Variants in RAB3GAP2 observed in about 807,000 individuals in gnomAD.
The protein encoded by RAB3GAP2 is RAB3 GTPase activating non-catalytic protein subunit 2.
Under a neutral mutation model 185.3 loss-of-function variants are expected in RAB3GAP2, and 87 were observed. The observed-to-expected ratio is 0.47, with a 90% CI of 0.39 to 0.56. The LOEUF is 0.56. RAB3GAP2 is among the 20% of genes least tolerant of loss of function. RAB3GAP2 has a pLI of 0.00. For missense variants in RAB3GAP2, 1,492 were observed against 1,638.2 expected, an observed-to-expected ratio of 0.91 and a Z score of 1.54; for synonymous variants, 554 against 576.1, an observed-to-expected ratio of 0.96 and a Z score of 0.55.
chr1:220,209,630 C>T (rs969301209), intron 7 of RAB3GAP2, among the ~76,000 whole-genome samples: 1 of 151,976 alleles, frequency 6.6e-6, no homozygotes. Flanking sequence ...GTCTCTCCTA[C>T]GAGATAGTTA....
Position 220,217,403 on chromosome 1 carries a change from C to T in RAB3GAP2, c.181-3424G>A, listed in dbSNP as rs372556192. 2.1e-4 allele frequency among the ~76,000 whole-genome samples: 32 copies of T among 152,228 alleles called. No individual in the cohort carries two copies. The Middle Eastern group carries it at 0.017, about 81-fold the overall frequency. ...TATTCTTGAGGTATTTCTTCAAGAA[C>T]TCCTTTAAAAATACTTTCCCTCTCC... is the stretch of plus-strand genomic sequence containing the variant. On this transcript the variant is annotated intron_variant, in intron 2 of 34. Transcript: ENST00000358951.
chr1:220,207,014 C>T (rs1571900733), intron 7 of RAB3GAP2, among the ~76,000 whole-genome samples: 1 of 152,288 alleles, frequency 6.6e-6, no homozygotes, highest in East Asian at 1.9e-4. Flanking sequence ...AAACTGTAAG[C>T]CCCATGAAAG....
At chr1:220,245,435 C>T (rs1659787442) in intron 1 of RAB3GAP2, among the ~76,000 whole-genome samples, 1 of 152,204 alleles carries the variant, frequency 6.6e-6, no homozygotes, top group African/African-American at 2.4e-5. Context: ...GGGTCACTCC[C>T]ACCCGAATAT....
At chr1:220,221,267 T>C (rs913536379) in intron 2 of RAB3GAP2, among the ~76,000 whole-genome samples, 66 of 152,216 alleles carry the variant, frequency 4.3e-4, no homozygotes, top group African/African-American at 1.5e-3. Context: ...TATTTCCATA[T>C]TGAAGTGAGG....
At chr1:220,175,418 T>C (rs759601773) in intron 21 of RAB3GAP2, among the ~76,000 whole-genome samples, 2 of 151,932 alleles carry the variant, frequency 1.3e-5, no homozygotes, top group African/African-American at 2.4e-5. Context: ...CGGGTTTCAC[T>C]ATGTTGGCCA....
chr1:220,196,201 T>C lies in RAB3GAP2; in HGVS notation c.960+49A>G, dbSNP rs201332259. The C allele has an allele frequency of 8.3e-4, 1,309 of 1,583,382 alleles. 3 individuals carry two copies. Among genetic ancestry groups the C allele is most frequent in the Admixed American group, 6.2e-3 (374 of 59,960 alleles). On this transcript the variant is annotated intron_variant, in intron 10 of 34. Coordinates refer to ENST00000358951, the MANE Select transcript of RAB3GAP2 (RefSeq NM_012414.4). ...TTACCATATCCAATTTGTAGACAAATTGTAAAATCAAGAGCAGCCTTACTC... is the reference window on the plus strand; with the variant it reads ...TTACCATATCCAATTTGTAGACAAACTGTAAAATCAAGAGCAGCCTTACTC...
At position 220,190,359 on chromosome 1, in the gene RAB3GAP2, A is replaced by T; in HGVS notation, c.1631+18T>A. On this transcript the variant is annotated intron_variant, in intron 15 of 34. Coordinates refer to ENST00000358951, the MANE Select transcript of RAB3GAP2 (RefSeq NM_012414.4). ...GTTAGCAGAGGAGCGTCAATCAGCA[A>T]CACTGGACACACCTTACCTCAGTGC... 3.1e-6 allele frequency: 5 copies of T among 1,614,058 alleles called. No individual in the cohort carries two copies. Among genetic ancestry groups the T allele is most frequent in the Non-Finnish European group, 4.2e-6 (5 of 1,179,952 alleles).
chr1:220,245,308 C>CA (rs1659782522), intron 1 of RAB3GAP2, among the ~76,000 whole-genome samples: 3 of 152,148 alleles, frequency 2.0e-5, no homozygotes, highest in South Asian at 2.1e-4. Context: ...CCAGTGGGTG[C>CA]GCGCACCATG....
intron 1 of RAB3GAP2, chr1:220,267,540 C>T: frequency 7.3e-7 from 1 of 1,364,112 alleles, no homozygotes; most frequent in Non-Finnish European, 1.0e-6. Context: ...AAGCCCATTG[C>T]CTCTTTTTGA....
chr1:220,248,849 A>G (rs1316512689), intron 1 of RAB3GAP2, among the ~76,000 whole-genome samples: 4 of 152,072 alleles, frequency 2.6e-5, no homozygotes, highest in Admixed American at 1.3e-4. Context: ...TGGTTTTGTA[A>G]AGGGCTTTCC....
chr1:220,260,604 G>A (rs186985250), intron 1 of RAB3GAP2, among the ~76,000 whole-genome samples: 2 of 152,090 alleles, frequency 1.3e-5, no homozygotes, highest in Non-Finnish European at 2.9e-5. Flanking sequence ...GGGGTGGTGG[G>A]GGGAGGGAGA....
At chr1:220,187,510 AAC>A (rs1166250665) in intron 17 of RAB3GAP2, among the ~76,000 whole-genome samples, 1 of 152,156 alleles carries the variant, frequency 6.6e-6, no homozygotes. Flanking sequence ...TGAGGATTGA[AAC>A]TTTTAGCCCA....
chr1:220,212,865 A>G, intron 4 of RAB3GAP2, 22 bp downstream of exon 4: 1 of 1,585,712 alleles, frequency 6.3e-7, no homozygotes, highest in Non-Finnish European at 8.7e-7. Context: ...ACACAGAGAA[A>G]CAAAAATTAA....
chr1:220,202,925 A>G (rs1486382319), intron 8 of RAB3GAP2, among the ~76,000 whole-genome samples: 1 of 152,228 alleles, frequency 6.6e-6, no homozygotes, highest in Non-Finnish European at 1.5e-5. Flanking sequence ...CCCGGGTAAG[A>G]GAGGGAGACT....
rs985262356 is a variant in RAB3GAP2 at position 220,149,674 on chromosome 1, G to T, written c.*1577C>A. The T allele has an allele frequency of 6.6e-6, 1 of 152,186 alleles. No individual in the cohort carries two copies. Among genetic ancestry groups the T allele is most frequent in the Admixed American group, 6.5e-5 (1 of 15,280 alleles). The allele number at this position is 152,186 out of a possible 1,614,324, so 9.4% of individuals were successfully genotyped here. ...GGAGGTTGGACTAGCCCTTTCCAGT[G>T]CTGCTACTCTGTAAAATGTATGTCT... On this transcript the variant is annotated 3_prime_UTR_variant, in exon 35 of 35. Transcript: ENST00000358951.
intron 2 of RAB3GAP2, among the ~76,000 whole-genome samples, chr1:220,218,703 C>T (rs895276876): frequency 2.0e-5 from 3 of 151,198 alleles, no homozygotes; most frequent in South Asian, 2.1e-4. Context: ...CAAACCTGCA[C>T]GTTGTGCACA....
chr1:220,154,313 T>A lies in RAB3GAP2; in HGVS notation c.3556-256A>T, dbSNP rs1657817677. 1.7e-5 allele frequency: 7 copies of A among 419,640 alleles called. 1 individual carries two copies. In the South Asian group the frequency reaches 1.8e-4, roughly 11 times the overall value. The allele number at this position is 419,640 out of a possible 1,614,324, so 26.0% of individuals were successfully genotyped here. On this transcript the variant is annotated intron_variant, in intron 31 of 34. Coordinates refer to ENST00000358951, the MANE Select transcript of RAB3GAP2 (RefSeq NM_012414.4). ...CCTTGCATGGAGGCTGATGACTTGC[T>A]TCTAGCAACAGAAGCAGGTAGAGGT...
intron 1 of RAB3GAP2, among the ~76,000 whole-genome samples, chr1:220,249,539 C>T (rs1425451462): frequency 1.3e-5 from 2 of 152,150 alleles, no homozygotes; most frequent in African/African-American, 4.8e-5. Context: ...AAGAAAAACC[C>T]ATTCCTGAGG....
At chr1:220,261,053 T>C (rs1660127164) in intron 1 of RAB3GAP2, among the ~76,000 whole-genome samples, 1 of 152,108 alleles carries the variant, frequency 6.6e-6, no homozygotes, top group Non-Finnish European at 1.5e-5. Flanking sequence ...GGTTTTTATG[T>C]CTGATTTTAC....
Sources: allele counts gnomAD v4.1 joint callset (sites outside exome capture counted in the v4.1 genomes callset), GRCh38; gene constraint gnomAD v4.1.1; transcripts MANE v1.5; gene names NCBI Gene and HGNC (gene_info 2026-07-23, HGNC 2026-07-21).